The following DNM3 variants were observed in gnomAD, a reference collection of about 807,000 sequenced individuals.
DNM3 encodes dynamin-3.
Under a neutral mutation model 101.6 loss-of-function variants are expected in DNM3, and 47 were observed. The ratio of observed to expected loss-of-function variants is 0.46; its 90% CI spans 0.37 to 0.59. The LOEUF (loss-of-function observed/expected upper bound fraction) is 0.59, where lower values mean the gene tolerates loss of function less well. DNM3 is among the 20% of genes least tolerant of loss of function. The pLI, the probability that DNM3 is intolerant of heterozygous loss-of-function variation, is 0.00. For synonymous variants in DNM3, 385 were observed against 387.9 expected, an observed-to-expected ratio of 0.99 and a Z score of 0.09; for missense variants, 849 against 1,085.7, an observed-to-expected ratio of 0.78 and a Z score of 3.06.
intron 14 of DNM3, among the ~76,000 whole-genome samples, chr1:172,178,756 A>T (rs2059243378): frequency 6.6e-6 from 1 of 151,976 alleles, no homozygotes; most frequent in Non-Finnish European, 1.5e-5. Flanking sequence ...AGAGTAAGTC[A>T]CTGGGTTTGA....
chr1:172,265,168 C>T (rs957256438), intron 15 of DNM3, among the ~76,000 whole-genome samples: 2 of 152,002 alleles, frequency 1.3e-5, no homozygotes, highest in African/African-American at 2.4e-5. Context: ...GCTATTTCAG[C>T]TTTCCACTAT....
chr1:172,059,023 A>G (rs2050908084), intron 10 of DNM3, among the ~76,000 whole-genome samples: 1 of 152,214 alleles, frequency 6.6e-6, no homozygotes, highest in South Asian at 2.1e-4. Context: ...ATCACCACAG[A>G]TCACACAGAA....
rs143170093 is a variant in DNM3 at position 172,205,942 on chromosome 1, T to C, written c.1660-47631T>C. Among the ~76,000 whole-genome samples the C allele has an allele frequency of 6.6e-3, 1,004 of 152,242 alleles. 14 individuals carry two copies. The highest frequency in any genetic ancestry group is 0.023 in the African/African-American group (954 of 41,574). On this transcript the variant is annotated intron_variant, in intron 14 of 20. Coordinates refer to ENST00000627582, the MANE Select transcript of DNM3 (RefSeq NM_015569.5). The stretch of plus-strand genomic sequence containing the variant: ...AAGTCTCCTTTGCACCTTGAATGGA[T>C]CTTTTACCCATGCATGAATTTGCAG...
intron 9 of DNM3, among the ~76,000 whole-genome samples, chr1:172,047,302 T>A (rs1368107277): frequency 6.6e-6 from 1 of 152,144 alleles, no homozygotes; most frequent in Non-Finnish European, 1.5e-5. Flanking sequence ...CAACTCTCCT[T>A]ACTGTGTATC....
At chr1:171,942,064 G>A (rs957459982) in intron 2 of DNM3, among the ~76,000 whole-genome samples, 2 of 152,062 alleles carry the variant, frequency 1.3e-5, no homozygotes, top group African/African-American at 4.8e-5. Context: ...TTTGAATTGA[G>A]GATGGCTAGG....
At chr1:172,304,618 A>T (rs1001585434) in intron 15 of DNM3, among the ~76,000 whole-genome samples, 15 of 152,194 alleles carry the variant, frequency 9.9e-5, no homozygotes, top group African/African-American at 3.1e-4. Flanking sequence ...TCCAAAGTTG[A>T]CCACATAGTT....
rs759018705 is a variant in DNM3 at position 172,388,697 on chromosome 1, C to A, written c.2410C>A (p.Pro804Thr). ...PSPGPHSGAP[P>T]VPFRPGPLPP... ...TCCTGGCCCCCACTCTGGGGCTCCT[C>A]CAGTCCCATTCCGTCCAGGCCCATT... Residue 804 changes from proline (P) to threonine (T), a missense_variant, in exon 20 of 21, where the codon CCA (proline) becomes ACA (threonine). Physicochemically the swap from Pro to Thr is conservative, Grantham distance 38 (BLOSUM62 -1). Transcript: ENST00000627582. 1.9e-6 allele frequency: 3 copies of A among 1,613,920 alleles called. No homozygotes were observed. Among genetic ancestry groups the A allele is most frequent in the Middle Eastern group, 1.6e-4 (1 of 6,062 alleles).
intron 2 of DNM3, among the ~76,000 whole-genome samples, chr1:171,952,197 T>C (rs908112284): frequency 6.6e-6 from 1 of 152,182 alleles, no homozygotes; most frequent in Admixed American, 6.5e-5. Flanking sequence ...TTTTAGTTAA[T>C]CCTTTCTTAA....
intron 13 of DNM3, among the ~76,000 whole-genome samples, chr1:172,097,690 C>A (rs1225760360): frequency 6.6e-6 from 1 of 152,132 alleles, no homozygotes; most frequent in Non-Finnish European, 1.5e-5. Flanking sequence ...GGTAGGAAAA[C>A]TTGGAGAGTG....
intron 20 of DNM3, among the ~76,000 whole-genome samples, chr1:172,407,131 T>C (rs2070951441): frequency 6.6e-6 from 1 of 151,970 alleles, no homozygotes; most frequent in African/African-American, 2.4e-5. Context: ...CATTACCAAC[T>C]AGAAAGTGAG....
In DNM3 at chr1:172,046,543, C is replaced by T. The variant is rs575760359; in HGVS notation, c.1197-2069C>T. ...CACATTGTGCACATGTACCCTAAAA[C>T]TTAAAGTATAATAATAATAAAAAAA... On this transcript the variant is annotated intron_variant, in intron 9 of 20. Transcript: ENST00000627582. Among the ~76,000 whole-genome samples, 6 of 149,384 alleles carry T rather than the reference C, an allele frequency of 4.0e-5. No individual in the cohort carries two copies. In the South Asian group the frequency reaches 6.4e-4, roughly 16 times the overall value.
chr1:171,950,023 G>A (rs773505464), intron 2 of DNM3, among the ~76,000 whole-genome samples: 27 of 152,106 alleles, frequency 1.8e-4, no homozygotes, highest in Admixed American at 2.6e-4. Context: ...ATCAACAAGC[G>A]AATGGACAAA....
intron 15 of DNM3, among the ~76,000 whole-genome samples, chr1:172,254,751 A>G (rs1457433861): frequency 6.6e-6 from 1 of 152,146 alleles, no homozygotes; most frequent in South Asian, 2.1e-4. Context: ...GAAACTTAGC[A>G]GTAAAGTTAA....
At chr1:172,131,085 A>G (rs1366765481) in intron 13 of DNM3, 90 bp from the exon 14 acceptor site, 7 of 1,050,164 alleles carry the variant, frequency 6.7e-6, no homozygotes, top group Non-Finnish European at 8.7e-6. Flanking sequence ...TGCAATTAAT[A>G]TCTTGTTTTT....
intron 14 of DNM3, among the ~76,000 whole-genome samples, chr1:172,163,835 A>G (rs1408594624): frequency 2.6e-5 from 4 of 152,028 alleles, no homozygotes; most frequent in African/African-American, 4.8e-5. Flanking sequence ...TTAAAGCTGA[A>G]TATTTCATTA....
intron 14 of DNM3, among the ~76,000 whole-genome samples, chr1:172,246,205 A>T (rs1401477874): frequency 1.3e-5 from 2 of 152,122 alleles, no homozygotes; most frequent in East Asian, 1.9e-4. Flanking sequence ...TAGAGATGAG[A>T]TTTGCATGGG....
At chr1:171,844,057 T>C (rs1217253563) in intron 1 of DNM3, among the ~76,000 whole-genome samples, 1 of 152,132 alleles carries the variant, frequency 6.6e-6, no homozygotes, top group Non-Finnish European at 1.5e-5. Context: ...GGAGAAAATT[T>C]AATTAGGAAG....
intron 14 of DNM3, among the ~76,000 whole-genome samples, chr1:172,180,667 C>T (rs1015494418): frequency 7.2e-5 from 11 of 151,964 alleles, no homozygotes; most frequent in African/African-American, 2.7e-4. Flanking sequence ...AATTATTTTC[C>T]AGAGGAATGC....
At chr1:171,936,742 A>G (rs985950658) in intron 2 of DNM3, among the ~76,000 whole-genome samples, 1 of 152,184 alleles carries the variant, frequency 6.6e-6, no homozygotes. Context: ...GGAATTTATT[A>G]GATAATTATC....
Sources: allele counts gnomAD v4.1 joint callset (sites outside exome capture counted in the v4.1 genomes callset), GRCh38; gene constraint gnomAD v4.1.1; transcripts MANE v1.5; gene names NCBI Gene and HGNC (gene_info 2026-07-23, HGNC 2026-07-21).